The following TRPM3 variants were observed in gnomAD, a reference collection of about 807,000 sequenced individuals.
TRPM3 encodes the protein transient receptor potential cation channel subfamily M member 3.
Under a neutral mutation model 181.2 loss-of-function variants are expected in TRPM3, and 77 were observed. The ratio of observed to expected loss-of-function variants is 0.42; its 90% CI spans 0.35 to 0.51. The LOEUF (loss-of-function observed/expected upper bound fraction) is 0.51, where lower values mean the gene tolerates loss of function less well. TRPM3 is among the 20% of genes least tolerant of loss of function. The pLI is 0.01. For synonymous variants in TRPM3, 745 were observed against 796.4 expected (o/e 0.94, Z 1.09); for missense variants, 1,759 against 2,196.7 (o/e 0.80, Z 3.98).
intron 6 of TRPM3, among the ~76,000 whole-genome samples, chr9:70,804,877 C>T (rs187906272): frequency 3.9e-5 from 6 of 152,220 alleles, no homozygotes; most frequent in Non-Finnish European, 7.4e-5. Flanking sequence ...ATGCAAGCTC[C>T]GTAAAAGCAG....
Position 71,398,881 on chromosome 9 carries a change from A to C in TRPM3, c.183+47772T>G, listed in dbSNP as rs188650512. 5.0e-3 allele frequency among the ~76,000 whole-genome samples: 754 copies of C among 152,322 alleles called. 3 individuals carry two copies. The highest frequency in any genetic ancestry group is 0.015 in the African/African-American group (622 of 41,580). On this transcript the variant is annotated intron_variant, in intron 1 of 24. Transcript: ENST00000357533. ...GTAACAATACAGTACATAAATATTG[A>C]AAAATATTCAATTTAATGAATAAGA...
intron 1 of TRPM3, among the ~76,000 whole-genome samples, chr9:70,977,159 G>A (rs2097312062): frequency 6.6e-6 from 1 of 152,102 alleles, no homozygotes; most frequent in Admixed American, 6.5e-5. Context: ...TTTTGAGATG[G>A]AGTCTTGCTC....
intron 3 of TRPM3, among the ~76,000 whole-genome samples, chr9:70,858,586 C>T (rs905210670): frequency 2.0e-5 from 3 of 151,886 alleles, no homozygotes; most frequent in Admixed American, 6.6e-5. Context: ...GTTAAATATT[C>T]GGTAGTAATA....
chr9:71,384,283 A>G (rs2092876139), intron 1 of TRPM3, among the ~76,000 whole-genome samples: 1 of 152,222 alleles, frequency 6.6e-6, no homozygotes, highest in South Asian at 2.1e-4. Flanking sequence ...AGTTATTTTG[A>G]GTCAATAACC....
chr9:71,189,506 TA>T (rs2077880161), intron 1 of TRPM3, among the ~76,000 whole-genome samples: 2 of 151,812 alleles, frequency 1.3e-5, no homozygotes, highest in African/African-American at 4.8e-5. Flanking sequence ...AAGACAGGAT[TA>T]TTTGCATGCT....
At chr9:70,642,548 C>T (rs80218660) in intron 9 of TRPM3, among the ~76,000 whole-genome samples, 28,948 of 152,150 alleles carry the variant, frequency 0.19, 3,515 homozygotes, top group South Asian at 0.3. Flanking sequence ...GAGCTTCGCT[C>T]AGGGTGCATC....
At chr9:71,158,406 T>C (rs2076108170) in intron 1 of TRPM3, among the ~76,000 whole-genome samples, 1 of 152,146 alleles carries the variant, frequency 6.6e-6, no homozygotes. Context: ...TCATATCCAG[T>C]AAGGATGAAC....
chr9:70,653,677 CAAAAAAAAAA>C (rs71507003), intron 9 of TRPM3, among the ~76,000 whole-genome samples: 1 of 103,148 alleles, frequency 9.7e-6, no homozygotes, highest in Non-Finnish European at 2.1e-5. Context: ...CTTCCTGTCT[CAAAAAAAAAA>C]AAAAAAAAAA....
At chr9:71,023,701 T>TA (rs201859225) in intron 1 of TRPM3, among the ~76,000 whole-genome samples, 7,310 of 125,738 alleles carry the variant, frequency 0.058, 287 homozygotes, top group African/African-American at 0.12. Context: ...TGATGCTGAG[T>TA]AAAAAAAAAA....
Position 70,820,726 on chromosome 9 carries a change from C to T in TRPM3, c.973+7121G>A, listed in dbSNP as rs896277159. On this transcript the variant is annotated intron_variant, in intron 6 of 25. Transcript: ENST00000677713. ...CATATCTCGACTCCTTTAATCACAA[C>T]GACTCCTTTAATCACAACTCCATCT... Among the ~76,000 whole-genome samples, 11 of 152,176 alleles carry T rather than the reference C, an allele frequency of 7.2e-5. No individual in the cohort carries two copies. In the East Asian group the frequency reaches 1.9e-3, roughly 27 times the overall value.
At chr9:71,433,808 C>T (rs1030424754) in intron 1 of TRPM3, among the ~76,000 whole-genome samples, 8 of 152,186 alleles carry the variant, frequency 5.3e-5, no homozygotes, top group Admixed American at 2.6e-4. Context: ...GCTCTTTGTG[C>T]TTCTAACACA....
intron 1 of TRPM3, among the ~76,000 whole-genome samples, chr9:71,032,022 TA>T (rs1565022862): frequency 3.3e-3 from 2 of 602 alleles, no homozygotes; most frequent in Non-Finnish European, 9.9e-3. Context: ...ATAATATATA[TA>T]TATAATATAA....
intron 6 of TRPM3, among the ~76,000 whole-genome samples, chr9:70,812,583 A>T (rs1410397429): frequency 1.3e-5 from 2 of 152,192 alleles, no homozygotes; most frequent in East Asian, 3.9e-4. Flanking sequence ...TCCCCAGGCC[A>T]TTCTAGCACT....
chr9:70,787,763 C>CTTTTTTTTTTTTTTTTTTTTTCTT (rs2084071076), intron 6 of TRPM3, among the ~76,000 whole-genome samples: 44 of 68,542 alleles, frequency 6.4e-4, no homozygotes, highest in South Asian at 8.4e-4. Flanking sequence ...TTTTTGGATT[C>CTTTTTTTTTTTTTTTTTTTTTCTT]TTTTTTTTTT....
At chr9:70,768,363 C>A (rs1367315163) in intron 7 of TRPM3, among the ~76,000 whole-genome samples, 1 of 151,976 alleles carries the variant, frequency 6.6e-6, no homozygotes, top group South Asian at 2.1e-4. Flanking sequence ...TGGCCAGAGA[C>A]TTTTTTTTCC....
intron 1 of TRPM3, among the ~76,000 whole-genome samples, chr9:70,900,744 C>G (rs530120213): frequency 6.6e-6 from 1 of 152,240 alleles, no homozygotes; most frequent in East Asian, 1.9e-4. Context: ...CGCCCTAAAT[C>G]GTGGTGATGG....
At chr9:70,770,898 G>T (rs1370122619) in intron 7 of TRPM3, among the ~76,000 whole-genome samples, 2 of 152,142 alleles carry the variant, frequency 1.3e-5, no homozygotes, top group East Asian at 3.9e-4. Flanking sequence ...ATGCATATTA[G>T]CTGGAGGAGT....
At chr9:70,792,661 CAGAGAG>C (rs9314786) in intron 6 of TRPM3, among the ~76,000 whole-genome samples, 10 of 147,160 alleles carry the variant, frequency 6.8e-5, no homozygotes, top group East Asian at 2.1e-4. Flanking sequence ...GACAGAAAGA[CAGAGAG>C]AGAGAGAGAG....
intron 1 of TRPM3, among the ~76,000 whole-genome samples, chr9:70,866,453 T>A (rs1043983106): frequency 6.6e-6 from 1 of 152,042 alleles, no homozygotes; most frequent in Non-Finnish European, 1.5e-5. Context: ...GAAAGTTACA[T>A]GATTTCTTTG....
Sources: allele counts gnomAD v4.1 joint callset (sites outside exome capture counted in the v4.1 genomes callset), GRCh38; gene constraint gnomAD v4.1.1; transcripts MANE v1.5; gene names NCBI Gene and HGNC (gene_info 2026-07-23, HGNC 2026-07-21).